The following KIFC3 variants were observed in gnomAD, a reference collection of about 807,000 sequenced individuals.
KIFC3 encodes the protein kinesin-like protein KIFC3.
KIFC3 carries 60 observed loss-of-function variants against 101.8 expected under a neutral mutation model. That is an observed-to-expected ratio of 0.59 (90% CI 0.48 to 0.73). The LOEUF is 0.73. KIFC3 is among the 30% of genes least tolerant of loss of function. KIFC3 has a pLI of 0.00. For synonymous variants in KIFC3, 476 were observed against 482.7 expected, an observed-to-expected ratio of 0.99 and a Z score of 0.18; for missense variants, 966 against 1,137.1, an observed-to-expected ratio of 0.85 and a Z score of 2.16.
At chr16:57,770,936 A>G (rs891365282) in intron 6 of KIFC3, among the ~76,000 whole-genome samples, 10 of 152,224 alleles carry the variant, frequency 6.6e-5, no homozygotes, top group African/African-American at 2.4e-4. Flanking sequence ...TCCTGGGTAC[A>G]GACAAGAAAG....
intron 3 of KIFC3, among the ~76,000 whole-genome samples, chr16:57,793,453 C>T (rs1481237362): frequency 1.3e-5 from 2 of 150,628 alleles, no homozygotes; most frequent in African/African-American, 4.9e-5. Flanking sequence ...ATTAGCTGGG[C>T]ACGGTGGCAC....
intron 3 of KIFC3, 134 bp from the exon 4 acceptor site, chr16:57,772,422 T>C (rs1405935303): frequency 3.0e-6 from 2 of 671,696 alleles, no homozygotes; most frequent in Non-Finnish European, 5.1e-6. Context: ...GGTTCCCCTA[T>C]GTTCAAGCAT....
chr16:57,761,718 T>C (rs1305897743), intron 13 of KIFC3, among the ~76,000 whole-genome samples, 182 bp from the exon 14 acceptor site: 2 of 151,744 alleles, frequency 1.3e-5, no homozygotes, highest in African/African-American at 4.8e-5. Context: ...GAGATCTCAC[T>C]CCACAATACA....
chr16:57,858,669 G>A (rs527814972), intron 1 of KIFC3, among the ~76,000 whole-genome samples: 5 of 152,016 alleles, frequency 3.3e-5, no homozygotes, highest in East Asian at 1.9e-4. Context: ...AATTGAGGCC[G>A]GGTGCAGTGG....
At chr16:57,841,746 A>G (rs1483212444) in intron 1 of KIFC3, among the ~76,000 whole-genome samples, 1 of 152,144 alleles carries the variant, frequency 6.6e-6, no homozygotes, top group Non-Finnish European at 1.5e-5. Flanking sequence ...AGCATTTGCC[A>G]AGGGCCTCTC....
At chr16:57,844,354 CGGGAGG>C (rs2055873004) in intron 1 of KIFC3, among the ~76,000 whole-genome samples, 2 of 144,052 alleles carry the variant, frequency 1.4e-5, no homozygotes, top group Admixed American at 1.4e-4. Flanking sequence ...TGCTTGAACC[CGGGAGG>C]CGGAGGTTGC....
At chr16:57,787,825 A>C (rs2053489845) in intron 3 of KIFC3, among the ~76,000 whole-genome samples, 1 of 152,232 alleles carries the variant, frequency 6.6e-6, no homozygotes, top group Non-Finnish European at 1.5e-5. Flanking sequence ...GGACAGCCTC[A>C]GAGAAGGGAG....
At chr16:57,766,358 C>T (rs782154322) in intron 10 of KIFC3, among the ~76,000 whole-genome samples, 3 of 152,260 alleles carry the variant, frequency 2.0e-5, no homozygotes, top group Non-Finnish European at 2.9e-5. Context: ...AAGCCTGTCT[C>T]AGCCCTGGAA....
chr16:57,797,565 T>C (rs1258765655), intron 2 of KIFC3: 1 of 403,174 alleles, frequency 2.5e-6, no homozygotes, highest in Non-Finnish European at 3.5e-6. Context: ...CAGAAGCACC[T>C]GAAATGAGCA....
At chr16:57,770,200 G>A (rs1229159251) in intron 7 of KIFC3, among the ~76,000 whole-genome samples, 1 of 152,248 alleles carries the variant, frequency 6.6e-6, no homozygotes, top group Non-Finnish European at 1.5e-5. Context: ...GTGCCCTCAG[G>A]AAGGTAGGAG....
chr16:57,803,085 G>A (rs782223867), upstream of KIFC3: 718 of 1,499,556 alleles, frequency 4.8e-4, no homozygotes, highest in Middle Eastern at 1.9e-3. Flanking sequence ...CCGCCTTCTA[G>A]CCACAGCACT....
intron 3 of KIFC3, chr16:57,791,172 G>T (rs1407238388): frequency 6.6e-6 from 1 of 152,308 alleles, no homozygotes; most frequent in African/African-American, 2.4e-5. Context: ...GGAGGTTGCA[G>T]TGCGCTGAGA....
chr16:57,847,635 G>C (rs2055961694), intron 1 of KIFC3, among the ~76,000 whole-genome samples: 1 of 152,140 alleles, frequency 6.6e-6, no homozygotes, highest in Non-Finnish European at 1.5e-5. Flanking sequence ...ATAAGCAGGG[G>C]AGGGGAGTCC....
At chr16:57,764,508 A>C in intron 11 of KIFC3, 1 of 472,374 alleles carries the variant, frequency 2.1e-6, no homozygotes, top group Non-Finnish European at 3.9e-6. Flanking sequence ...CTCTCTCTCA[A>C]AGAGTGCTCA....
intron 1 of KIFC3, among the ~76,000 whole-genome samples, chr16:57,817,340 CAGAG>C (rs1390003000): frequency 3.3e-5 from 5 of 149,940 alleles, no homozygotes; most frequent in Non-Finnish European, 5.9e-5. Context: ...GCCTGGGTGA[CAGAG>C]AGAGACTCTG....
chr16:57,815,543 C>T, intron 1 of KIFC3: 1 of 1,287,516 alleles, frequency 7.8e-7, no homozygotes, highest in Non-Finnish European at 1.0e-6. Context: ...ACCAGGATGC[C>T]CTCCAAGACC....
At chr16:57,852,982 G>C (rs1276822899) in intron 1 of KIFC3, among the ~76,000 whole-genome samples, 1 of 152,024 alleles carries the variant, frequency 6.6e-6, no homozygotes, top group African/African-American at 2.4e-5. Context: ...GTATGCTATA[G>C]TATATTTCTT....
chr16:57,839,105 A>C (rs561964139), intron 1 of KIFC3, among the ~76,000 whole-genome samples: 1 of 152,026 alleles, frequency 6.6e-6, no homozygotes, highest in African/African-American at 2.4e-5. Flanking sequence ...AAGTGGGAGG[A>C]TTACTTGAGG....
intron 11 of KIFC3, 80 bp from the exon 12 acceptor site, chr16:57,764,327 C>T (rs1206812257): frequency 4.0e-5 from 31 of 779,452 alleles, no homozygotes; most frequent in Non-Finnish European, 5.8e-5. Context: ...CAGCCACCTC[C>T]CCAACCATGC....
Sources: gnomAD v4.1 joint callset for allele counts (sites outside exome capture counted in the v4.1 genomes callset) on GRCh38, gnomAD v4.1.1 for gene constraint, MANE v1.5 for transcripts, NCBI Gene and HGNC (gene_info 2026-07-23, HGNC 2026-07-21) for gene names.